The following SPHK2 variants were observed in gnomAD, a reference collection of about 807,000 sequenced individuals.
SPHK2 encodes sphingosine kinase 2.
Under a neutral mutation model 32.3 loss-of-function variants are expected in SPHK2, and 18 were observed. The ratio of observed to expected loss-of-function variants is 0.56; its 90% CI spans 0.39 to 0.83. The LOEUF is 0.83. Among genes scored for constraint, SPHK2 ranks in the 40% least tolerant of loss-of-function variants. The probability of loss-of-function intolerance (pLI) is 0.00; values close to 1 mark genes in which losing one functional copy is unlikely to be tolerated. For missense variants in SPHK2, 850 were observed against 908.7 expected, an observed-to-expected ratio of 0.94 and a Z score of 0.83; for synonymous variants, 462 against 417.6, an observed-to-expected ratio of 1.11 and a Z score of -1.30.
rs765662471 is a variant in SPHK2 at position 48,628,648 on chromosome 19, CTTCT to C, written c.873-32_873-29del. Reference sequence around the variant, plus strand: ...TTCCCCAACCCCTGTTTGCTCCTTCCTTCTGTGTGTCCGTCCATCTCCGGCTGTG... The same window carrying C: ...TTCCCCAACCCCTGTTTGCTCCTTCCGTGTGTCCGTCCATCTCCGGCTGTG... On this transcript the variant is annotated intron_variant, in intron 6 of 6. Coordinates refer to ENST00000245222, the MANE Select transcript of SPHK2 (RefSeq NM_020126.5). This position sits in a 1 kb window ranked among gnomAD's most constrained non-coding sequence, Gnocchi z 5.2. 5 of 1,600,408 alleles carry C rather than the reference CTTCT, an allele frequency of 3.1e-6. No homozygotes were observed. The highest frequency in any genetic ancestry group is 1.3e-5 in the African/African-American group (1 of 74,810).
chr19:48,621,484 G>A (rs1974402013), intron 2 of SPHK2, among the ~76,000 whole-genome samples: 1 of 152,212 alleles, frequency 6.6e-6, no homozygotes, highest in African/African-American at 2.4e-5. Flanking sequence ...AAAGTGTTGA[G>A]CTTACAGGCA....
rs2083480796 is a variant in SPHK2, at chr19:48,620,435, C to G, written c.-80C>G. 2.8e-5 allele frequency: 36 copies of G among 1,308,854 alleles called. No homozygotes were observed. Among genetic ancestry groups the G allele is most frequent in the Non-Finnish European group, 3.8e-5 (35 of 921,882 alleles). 81.1% of individuals were successfully genotyped at this position (1,308,854 alleles called of 1,614,324 possible). A position where few individuals can be genotyped will look rare whatever the true frequency, so the allele number is the denominator to read the frequency against. ...GTCAGGCCAGGACAGTGAGACCTGA[C>G]TCCTTGCTCCTACCAGCCTACTATG... On this transcript the variant is annotated 5_prime_UTR_variant, in exon 2 of 7. Transcript: ENST00000245222.
chr19:48,628,850 G>C lies in SPHK2; in HGVS notation c.1042G>C (p.Glu348Gln). The C allele has an allele frequency of 6.2e-7, 1 of 1,613,794 alleles. No homozygotes were observed. The highest frequency in any genetic ancestry group is 8.5e-7 in the Non-Finnish European group (1 of 1,180,034). ...CGTGTCAGATGTGGATATCCAGAGC[G>C]AGCGCTTCAGGGCCTTGGGCAGTGC... is the stretch of plus-strand genomic sequence containing the variant. ...GFVSDVDIQS[E>Q]RFRALGSARF... Residue 348 changes from glutamate (E) to glutamine (Q), a missense_variant, in exon 7 of 7, where the codon GAG becomes CAG. Glu to Gln is a conservative substitution (Grantham distance 29). This residue lies in a region of SPHK2 where 544 missense variants were observed against 640.0 expected (regional missense o/e 0.85). Coordinates refer to ENST00000245222, the MANE Select transcript of SPHK2 (RefSeq NM_020126.5). The surrounding 1 kb of genome is among the most constrained non-coding windows in gnomAD (Gnocchi z 5.2).
In SPHK2 at chr19:48,627,847, G is replaced by A. The variant is rs1460157060; in HGVS notation, c.661+6G>A. 1 of 1,607,360 alleles carries A rather than the reference G, an allele frequency of 6.2e-7. No homozygotes were observed. Among genetic ancestry groups the A allele is most frequent in the Admixed American group, 1.7e-5 (1 of 59,224 alleles). ...CTTCAACCTCATCCAGACAGGTAAG[G>A]GCCAGTGAGAATGGGAGCTGGGGGC... On this transcript the variant is annotated splice_donor_region_variant and intron_variant, in intron 4 of 6. Transcript: ENST00000245222.
chr19:48,622,747 A>G (rs1344367444), intron 2 of SPHK2, among the ~76,000 whole-genome samples: 1 of 128,130 alleles, frequency 7.8e-6, no homozygotes, highest in Non-Finnish European at 1.6e-5. Context: ...TTCTTCCTAC[A>G]TTTGTCTCTC....
At chr19:48,627,581 G>A in intron 3 of SPHK2, 111 bp from the exon 4 acceptor site, 1 of 1,319,972 alleles carries the variant, frequency 7.6e-7, no homozygotes, top group South Asian at 1.5e-5. Context: ...AGAGCCAGCA[G>A]GTCCCAGGGG....
In SPHK2 at chr19:48,629,767, G is replaced by A. The variant is rs751965611; in HGVS notation, c.1959G>A (p.Glu653=). 10 of 1,567,272 alleles carry A rather than the reference G, an allele frequency of 6.4e-6. No homozygotes were observed. The African/African-American group carries it at 6.8e-5, about 11-fold the overall frequency. The change falls in exon 7 of 7, where the codon GAG becomes GAA. Residue 653 remains glutamate (E), a synonymous_variant. Coordinates refer to ENST00000245222, the MANE Select transcript of SPHK2 (RefSeq NM_020126.5). ...LTGPPGCPGR[E]P ...GGCCTCCTGGCTGCCCGGGGCGGGA[G>A]CCCTGAAACTAAACAAGCTTGGTAC...
Position 48,627,712 on chromosome 19 carries a change from C to T in SPHK2, c.532C>T (p.Pro178Ser). The T allele has an allele frequency of 6.2e-7, 1 of 1,604,446 alleles. No homozygotes were observed. The highest frequency in any genetic ancestry group is 8.5e-7 in the Non-Finnish European group (1 of 1,174,826). Residue 178 changes from proline (P) to serine (S), a missense_variant, in exon 4 of 7, where the codon CCT becomes TCT. Transcript: ENST00000245222. ...CACAGAGATCACCCCTGACCTGCTA[C>T]CTCGGCCGCCCCGGTTGCTTCTATT... is the stretch of plus-strand genomic sequence containing the variant. ...GDGEITPDLL[P>S]RPPRLLLLVN...
chr19:48,629,523 G>A lies in SPHK2; in HGVS notation c.1715G>A (p.Arg572His), dbSNP rs900337699. The change falls in exon 7 of 7, where the codon CGT becomes CAT. Residue 572 changes from arginine (R) to histidine (H), a missense_variant. Physicochemically the swap from Arg to His is conservative, Grantham distance 29. Coordinates refer to ENST00000245222, the MANE Select transcript of SPHK2 (RefSeq NM_020126.5). ...DDGLVHLCWV[R>H]SGISRAALLR... The stretch of plus-strand genomic sequence containing the variant: ...GGCCTGGTGCACCTGTGCTGGGTGC[G>A]TAGCGGCATCTCGCGGGCTGCGCTG... 5.0e-5 allele frequency: 81 copies of A among 1,605,862 alleles called. 1 individual carries two copies. In the East Asian group the frequency reaches 7.4e-4, roughly 15 times the overall value.
In SPHK2 at chr19:48,628,902, G is replaced by A; in HGVS notation, c.1094G>A (p.Gly365Asp). Residue 365 changes from glycine (G) to aspartate (D), a missense_variant, in exon 7 of 7, where the codon GGC (glycine) becomes GAC (aspartate). Around this residue, in one of 2 missense-constraint regions of SPHK2, gnomAD observed 544 missense variants for 640.0 expected, o/e 0.85. Coordinates refer to ENST00000245222, the MANE Select transcript of SPHK2 (RefSeq NM_020126.5). This position sits in a 1 kb window ranked among gnomAD's most constrained non-coding sequence, Gnocchi z 5.2. ...CGCTTCACACTGGGCACGGTGCTGG[G>A]CCTCGCCACACTGCACACCTACCGC... ...SARFTLGTVL[G>D]LATLHTYRGR... is the part of the protein sequence containing the mutation. 6.2e-7 allele frequency: 1 copy of A among 1,613,490 alleles called. No individual in the cohort carries two copies. Among genetic ancestry groups the A allele is most frequent in the Non-Finnish European group, 8.5e-7 (1 of 1,180,014 alleles).
chr19:48,629,757 C>T lies in SPHK2; in HGVS notation c.1949C>T (p.Pro650Leu). The T allele has an allele frequency of 1.3e-6, 2 of 1,577,966 alleles. No individual in the cohort carries two copies. Among genetic ancestry groups the T allele is most frequent in the South Asian group, 1.1e-5 (1 of 87,958 alleles). The stretch of plus-strand genomic sequence containing the variant: ...CTGCTCACTGGGCCTCCTGGCTGCC[C>T]GGGGCGGGAGCCCTGAAACTAAACA... ...GTLLTGPPGC[P>L]GREP Residue 650 changes from proline (P) to leucine (L), a missense_variant, in exon 7 of 7, where the codon CCG becomes CTG. Physicochemically the swap from Pro to Leu is moderately conservative, Grantham distance 98 (BLOSUM62 -3). Coordinates refer to ENST00000245222, the MANE Select transcript of SPHK2 (RefSeq NM_020126.5).
In SPHK2 at chr19:48,630,157, A is replaced by AG; in HGVS notation, c.*385dup. The AG allele has an allele frequency of 8.1e-7, 1 of 1,241,474 alleles. No individual in the cohort carries two copies. Among genetic ancestry groups the AG allele is most frequent in the Non-Finnish European group, 1.0e-6 (1 of 990,144 alleles). The allele number at this position is 1,241,474 out of a possible 1,614,324, so 76.9% of individuals were successfully genotyped here. A position where few individuals can be genotyped will look rare whatever the true frequency, so the allele number is the denominator to read the frequency against. ...GAATGTACTGGCTGGGGTAGGCCTC[A>AG]GTGAGTCGGCCGGTCAGGGCCCGCA... is the stretch of plus-strand genomic sequence containing the variant. On this transcript the variant is annotated 3_prime_UTR_variant, in exon 7 of 7. Transcript: ENST00000245222. The surrounding 1 kb of genome is among the most constrained non-coding windows in gnomAD (Gnocchi z 4.9).
In SPHK2 at chr19:48,629,656, C is replaced by A; in HGVS notation, c.1848C>A (p.Arg616=). 1 of 1,604,528 alleles carries A rather than the reference C, an allele frequency of 6.2e-7. No homozygotes were observed. Among genetic ancestry groups the A allele is most frequent in the Non-Finnish European group, 8.5e-7 (1 of 1,176,394 alleles). ...TCCGCCTAGAGCCGCTCACACCACG[C>A]GGCGTGCTCACAGTGGACGGGGAGC... ...RAFRLEPLTP[R]GVLTVDGEQV... The change falls in exon 7 of 7, where the codon CGC becomes CGA. Residue 616 remains arginine, a synonymous_variant. Coordinates refer to ENST00000245222, the MANE Select transcript of SPHK2 (RefSeq NM_020126.5).
Position 48,628,174 on chromosome 19 carries a change from C to G in SPHK2, c.769C>G (p.Leu257Val). Residue 257 changes from leucine (L) to valine (V), a missense_variant, in exon 6 of 7, where the codon CTC becomes GTC. Leu to Val is a conservative substitution (Grantham distance 32). Transcript: ENST00000245222. The surrounding 1 kb of genome is among the most constrained non-coding windows in gnomAD (Gnocchi z 5.2). ...TCCCACCCTCCAGGTGCTGAACGGG[C>G]TCCTAGATCGCCCTGACTGGGAGGA... Reference protein sequence around the residue: ...DGLLHEVLNGLLDRPDWEEAV... With the variant: ...DGLLHEVLNGVLDRPDWEEAV... 6.2e-7 allele frequency: 1 copy of G among 1,613,534 alleles called. No individual in the cohort carries two copies. The highest frequency in any genetic ancestry group is 8.5e-7 in the Non-Finnish European group (1 of 1,179,756).
Position 48,625,998 on chromosome 19 carries a change from G to A in SPHK2, c.147G>A (p.Pro49=), listed in dbSNP as rs117734086. Residue 49 remains proline, a synonymous_variant, in exon 3 of 7, where the codon CCG becomes CCA. Transcript: ENST00000245222. ...PPPPPLAAST[P]LLHGEFGSYP... Reference sequence around the variant, plus strand: ...CACCGCCACTGGCTGCCAGCACCCCGCTCCTCCATGGCGAGTTTGGCTCCT... The same window carrying A: ...CACCGCCACTGGCTGCCAGCACCCCACTCCTCCATGGCGAGTTTGGCTCCT... 1.1e-3 allele frequency: 1,781 copies of A among 1,613,296 alleles called. 32 individuals are homozygous for A. In the East Asian group the frequency reaches 0.035, roughly 32 times the overall value.
At position 48,629,061 on chromosome 19, in the gene SPHK2, G is replaced by A. The variant is rs771680188; in HGVS notation, c.1253G>A (p.Arg418His). 18 of 1,612,870 alleles carry A rather than the reference G, an allele frequency of 1.1e-5. No individual in the cohort carries two copies. The highest frequency in any genetic ancestry group is 1.6e-4 in the Middle Eastern group (1 of 6,084). The change falls in exon 7 of 7, where the codon CGT becomes CAT. Residue 418 changes from arginine (R) to histidine (H), a missense_variant. By Grantham distance (29) the Arg-to-His change is conservative. Coordinates refer to ENST00000245222, the MANE Select transcript of SPHK2 (RefSeq NM_020126.5). ...CCCATGGCCCACTCACCCCTGCATC[G>A]TTCTGTGTCTGACCTGCCTCTTCCC... The part of the protein sequence containing the change: ...APPMAHSPLH[R>H]SVSDLPLPLP...
intron 2 of SPHK2, among the ~76,000 whole-genome samples, chr19:48,621,374 C>T (rs901629366): frequency 3.3e-5 from 5 of 152,132 alleles, no homozygotes; most frequent in African/African-American, 7.2e-5. Flanking sequence ...CCACTGCACC[C>T]GGCCAATTTT....
rs1974598082 is a variant in SPHK2, at chr19:48,625,959, C to A, written c.108C>A (p.Ala36=). Residue 36 remains alanine (A), a synonymous_variant, in exon 3 of 7, where the codon GCC becomes GCA. Transcript: ENST00000245222. ...GGAGCACCCTGGTCAGGGCTAAGGCCATGGCCCCGCCCCCACCGCCACTGG... is the reference window on the plus strand; with the variant it reads ...GGAGCACCCTGGTCAGGGCTAAGGCAATGGCCCCGCCCCCACCGCCACTGG... ...GPRSTLVRAK[A]MAPPPPPLAA... The A allele has an allele frequency of 6.2e-7, 1 of 1,612,328 alleles. No homozygotes were observed. Among genetic ancestry groups the A allele is most frequent in the African/African-American group, 1.3e-5 (1 of 74,936 alleles).
In SPHK2 at chr19:48,629,397, A is replaced by G. The variant is rs370135167; in HGVS notation, c.1589A>G (p.Asp530Gly). The G allele has an allele frequency of 3.7e-5, 60 of 1,611,638 alleles. No homozygotes were observed. Among genetic ancestry groups the G allele is most frequent in the Non-Finnish European group, 5.0e-5 (59 of 1,179,498 alleles). Residue 530 changes from aspartate to glycine, a missense_variant, in exon 7 of 7, where the codon GAC (aspartate) becomes GGC (glycine). Physicochemically the swap from Asp to Gly is moderately conservative, Grantham distance 94 (BLOSUM62 -1). Around this residue, in one of 2 missense-constraint regions of SPHK2, gnomAD observed 306 missense variants for 268.6 expected, o/e 1.14. Coordinates refer to ENST00000245222, the MANE Select transcript of SPHK2 (RefSeq NM_020126.5). ...LPPLGTPLPP[D>G]WVTLEGDFVL... Reference sequence around the variant, plus strand: ...CCGCTGGGCACCCCGCTGCCCCCAGACTGGGTGACGCTGGAGGGGGACTTT... The same window carrying G: ...CCGCTGGGCACCCCGCTGCCCCCAGGCTGGGTGACGCTGGAGGGGGACTTT...
Sources: gnomAD v4.1 joint callset for allele counts (sites outside exome capture counted in the v4.1 genomes callset) on GRCh38, gnomAD v4.1.1 for gene constraint, gnomAD v4.1.1 regional missense constraint, Gnocchi (gnomAD v3.1) non-coding constraint, MANE v1.5 for transcripts, NCBI Gene and HGNC (gene_info 2026-07-23, HGNC 2026-07-21) for gene names.